RAB3C: variants seen among roughly 807,000 people sequenced by gnomAD.
RAB3C encodes ras-related protein Rab-3C.
RAB3C carries 17 observed loss-of-function variants against 26.4 expected under a neutral mutation model. That is an observed-to-expected ratio of 0.64 (90% CI 0.44 to 0.97). RAB3C has a LOEUF of 0.97. RAB3C is among the 50% of genes least tolerant of loss of function. The pLI is 0.00. For synonymous variants in RAB3C, 91 were observed against 95.9 expected (o/e 0.95, Z 0.30); for missense variants, 242 against 281.9 (o/e 0.86, Z 1.01).
At chr5:58,583,691 G>C (rs138677753) in intron 1 of RAB3C, among the ~76,000 whole-genome samples, 254 of 152,232 alleles carry the variant, frequency 1.7e-3, no homozygotes, top group African/African-American at 5.8e-3. Flanking sequence ...ATAAAGAGAA[G>C]CCAATGTTAG....
chr5:58,610,168 G>A (rs1202774566), intron 1 of RAB3C, among the ~76,000 whole-genome samples: 1 of 134,870 alleles, frequency 7.4e-6, no homozygotes, highest in African/African-American at 2.8e-5. Flanking sequence ...CTTTGAAGCT[G>A]TCAGAAAAAA....
intron 3 of RAB3C, among the ~76,000 whole-genome samples, chr5:58,798,974 T>G (rs765996532): frequency 6.6e-6 from 1 of 152,192 alleles, no homozygotes; most frequent in Non-Finnish European, 1.5e-5. Context: ...GAAAGACTGC[T>G]GAGACAATAG....
rs1740963362 is a variant in RAB3C, at chr5:58,729,598, TTATTA to T, written c.371+3482_371+3486del. On this transcript the variant is annotated intron_variant, in intron 3 of 4. Transcript: ENST00000282878. ...TCAGAATGTCCTTCCATTTTATATT[TTATTA>T]TATGTAATAAAATATACATTATATA... 7.3e-5 allele frequency among the ~76,000 whole-genome samples: 11 copies of T among 150,164 alleles called. No individual in the cohort carries two copies. In the South Asian group the frequency reaches 2.3e-3, roughly 31 times the overall value.
At chr5:58,640,327 T>A (rs530745427) in intron 2 of RAB3C, among the ~76,000 whole-genome samples, 145 of 152,282 alleles carry the variant, frequency 9.5e-4, no homozygotes, top group African/African-American at 3.3e-3. Context: ...GGAATGTACA[T>A]CAGAACTTGT....
intron 1 of RAB3C, among the ~76,000 whole-genome samples, chr5:58,605,050 G>A (rs747272633): frequency 3.3e-5 from 5 of 152,088 alleles, no homozygotes; most frequent in African/African-American, 1.2e-4. Flanking sequence ...TCAGCTCCAG[G>A]TAAAGTCTGA....
chr5:58,649,370 C>T (rs145042957), intron 2 of RAB3C, among the ~76,000 whole-genome samples: 1 of 152,146 alleles, frequency 6.6e-6, no homozygotes, highest in Non-Finnish European at 1.5e-5. Context: ...TTTCCAAACT[C>T]ACTGGCACTA....
chr5:58,753,962 A>G (rs2111965687), intron 3 of RAB3C, among the ~76,000 whole-genome samples: 1 of 152,250 alleles, frequency 6.6e-6, no homozygotes, highest in South Asian at 2.1e-4. Context: ...GGGAAGAATA[A>G]TTGCTTGCCA....
At chr5:58,652,621 T>C (rs1197111813) in intron 2 of RAB3C, among the ~76,000 whole-genome samples, 1 of 151,890 alleles carries the variant, frequency 6.6e-6, no homozygotes, top group Non-Finnish European at 1.5e-5. Flanking sequence ...CAACTTGCAG[T>C]TTCAAACCTC....
chr5:58,733,717 T>G (rs947510790), intron 3 of RAB3C, among the ~76,000 whole-genome samples: 1 of 152,206 alleles, frequency 6.6e-6, no homozygotes, highest in African/African-American at 2.4e-5. Context: ...AAAACTTCAC[T>G]TCCTTCGAAG....
At chr5:58,605,964 G>A (rs907536074) in intron 1 of RAB3C, among the ~76,000 whole-genome samples, 14 of 152,176 alleles carry the variant, frequency 9.2e-5, no homozygotes, top group African/African-American at 3.4e-4. Context: ...GCTCTGGTCT[G>A]CAGCTCCCAG....
chr5:58,823,172 C>A lies in RAB3C; in HGVS notation c.372-1866C>A, dbSNP rs150996040. ...AGCAGATGAAGATGCTTACAAGAAACGGTTCTTTCCGTTCATAAAGAACAG... is the reference window on the plus strand; with the variant it reads ...AGCAGATGAAGATGCTTACAAGAAAAGGTTCTTTCCGTTCATAAAGAACAG... On this transcript the variant is annotated intron_variant, in intron 3 of 4. Transcript: ENST00000282878. 1.1e-3 allele frequency: 365 copies of A among 341,316 alleles called. 3 individuals are homozygous for A. The highest frequency in any genetic ancestry group is 7.4e-3 in the African/African-American group (349 of 46,878). 21.1% of individuals were successfully genotyped at this position (341,316 alleles called of 1,614,324 possible).
At chr5:58,765,155 G>C (rs1741873037) in intron 3 of RAB3C, among the ~76,000 whole-genome samples, 1 of 152,162 alleles carries the variant, frequency 6.6e-6, no homozygotes, top group Non-Finnish European at 1.5e-5. Flanking sequence ...CTTGGGAAAA[G>C]TAAGGTTAAT....
At chr5:58,663,961 T>C (rs1032251542) in intron 2 of RAB3C, among the ~76,000 whole-genome samples, 3 of 152,154 alleles carry the variant, frequency 2.0e-5, no homozygotes, top group African/African-American at 7.2e-5. Flanking sequence ...AGGCTTTCCA[T>C]AGATGTATTT....
chr5:58,825,430 A>G (rs1216295868), intron 4 of RAB3C, among the ~76,000 whole-genome samples: 1 of 152,206 alleles, frequency 6.6e-6, no homozygotes, highest in Non-Finnish European at 1.5e-5. Flanking sequence ...TCCATGAGAA[A>G]CACAGGTTAT....
intron 2 of RAB3C, among the ~76,000 whole-genome samples, chr5:58,650,804 A>G (rs1186047050): frequency 6.6e-6 from 1 of 152,220 alleles, no homozygotes; most frequent in Non-Finnish European, 1.5e-5. Flanking sequence ...AATTTCTGAG[A>G]CTTATTTGGT....
At chr5:58,610,509 G>T (rs1579815250) in intron 1 of RAB3C, among the ~76,000 whole-genome samples, 1 of 151,952 alleles carries the variant, frequency 6.6e-6, no homozygotes, top group Non-Finnish European at 1.5e-5. Flanking sequence ...ACAATGTTGA[G>T]TATGTTTTTT....
chr5:58,668,373 G>A (rs74714454), intron 2 of RAB3C, among the ~76,000 whole-genome samples: 228 of 152,184 alleles, frequency 1.5e-3, no homozygotes, highest in Middle Eastern at 6.8e-3. Context: ...TAGGGTCTTG[G>A]GAGACAAATT....
chr5:58,805,825 T>C (rs1285569486), intron 3 of RAB3C, among the ~76,000 whole-genome samples: 3 of 152,054 alleles, frequency 2.0e-5, no homozygotes, highest in Non-Finnish European at 4.4e-5. Context: ...TATATCACCC[T>C]GAAAACTGAC....
intron 1 of RAB3C, among the ~76,000 whole-genome samples, chr5:58,585,525 C>T (rs1317590265): frequency 6.6e-6 from 1 of 151,870 alleles, no homozygotes; most frequent in African/African-American, 2.4e-5. Context: ...TAAGAGATTT[C>T]TTCTCTGCTT....
Sources: allele counts gnomAD v4.1 joint callset (sites outside exome capture counted in the v4.1 genomes callset), GRCh38; gene constraint gnomAD v4.1.1; transcripts MANE v1.5; gene names NCBI Gene and HGNC (gene_info 2026-07-23, HGNC 2026-07-21).